Variants in E2F8 observed in about 807,000 individuals in gnomAD.
E2F8 encodes transcription factor E2F8.
In E2F8, 35 loss-of-function variants were observed where a neutral mutation model predicts 80.8. The observed-to-expected ratio is 0.43, with a 90% CI of 0.33 to 0.57. E2F8 has a LOEUF of 0.57. Ranked by LOEUF, E2F8 falls within the 20% of genes least tolerant of loss-of-function variation. The probability of loss-of-function intolerance (pLI) is 0.04; values close to 1 mark genes in which losing one functional copy is unlikely to be tolerated. For missense variants in E2F8, 975 were observed against 1,056.2 expected (o/e 0.92, Z 1.07); for synonymous variants, 386 against 395.0 (o/e 0.98, Z 0.27).
intron 10 of E2F8, among the ~76,000 whole-genome samples, chr11:19,226,894 G>A (rs750712822): frequency 2.4e-4 from 36 of 152,202 alleles, no homozygotes; most frequent in Non-Finnish European, 4.4e-4. Context: ...TATTAGAGAC[G>A]CACATGCCAT....
Position 19,229,223 on chromosome 11 carries a change from G to A in E2F8, c.1893+231C>T, listed in dbSNP as rs890341939. Among the ~76,000 whole-genome samples the A allele has an allele frequency of 5.3e-5, 8 of 152,128 alleles. No homozygotes were observed. Among genetic ancestry groups the A allele is most frequent in the Non-Finnish European group, 8.8e-5 (6 of 68,022 alleles). On this transcript the variant is annotated intron_variant, in intron 10 of 12. Coordinates refer to ENST00000250024, the MANE Select transcript of E2F8 (RefSeq NM_024680.4). The surrounding 1 kb of genome is among the most constrained non-coding windows in gnomAD (Gnocchi z 4.3). ...AATGGACTTAAGGACAACCACCCAT[G>A]GTACTTTAAAAAGACAGCAAATAAT...
chr11:19,232,208 A>T (rs1245503280), intron 7 of E2F8, 26 bp downstream of exon 7: 1 of 1,609,204 alleles, frequency 6.2e-7, no homozygotes, highest in Admixed American at 1.7e-5. Flanking sequence ...ATAATAAAGC[A>T]GAGGGTGAAA....
chr11:19,233,554 C>G (rs933817388), intron 6 of E2F8, among the ~76,000 whole-genome samples: 3 of 152,056 alleles, frequency 2.0e-5, no homozygotes, highest in Middle Eastern at 3.2e-3. Flanking sequence ...GTGGCGCGAT[C>G]TCGGCTCACT....
chr11:19,225,899 C>G, intron 10 of E2F8, 35 bp from the exon 11 acceptor site: 1 of 1,594,102 alleles, frequency 6.3e-7, no homozygotes, highest in Non-Finnish European at 8.5e-7. Context: ...ATTTTACACA[C>G]AAATACAGGA....
chr11:19,225,395 C>T lies in E2F8; in HGVS notation c.2247G>A (p.Gln749=). Residue 749 remains glutamine, a synonymous_variant, in exon 12 of 13, where the codon CAG becomes CAA. Transcript: ENST00000250024. ...TTCCAGACCCAGGGCTGGCAGACAA[C>T]TGCACATTGGGTGAGATGAGTCCCA... ...QHLGLISPNV[Q]LSASPGSGIV... 1 of 1,614,172 alleles carries T rather than the reference C, an allele frequency of 6.2e-7. No individual in the cohort carries two copies.
In E2F8 at chr11:19,237,854, G is replaced by C. The variant is rs149206686; in HGVS notation, c.294C>G (p.His98Gln). The C allele has an allele frequency of 1.4e-5, 22 of 1,611,374 alleles. No homozygotes were observed. Among genetic ancestry groups the C allele is most frequent in the African/African-American group, 8.0e-5 (6 of 74,722 alleles). The stretch of plus-strand genomic sequence containing the variant: ...TCCAACCAGTCCTCTGAAAACCTAC[G>C]TGTATACAGTCTTTGGCCTCAGGTA... The part of the protein sequence containing the change: ...SGLPEAKDCI[H>Q]EHLSGDEFEK... Residue 98 changes from histidine (H) to glutamine (Q), a missense_variant and splice_region_variant, in exon 3 of 13, where the codon CAC becomes CAG. His to Gln is a conservative substitution (Grantham distance 24). Transcript: ENST00000250024.
rs1171352775 is a variant in E2F8 at position 19,225,620 on chromosome 11, A to C, written c.2027-5T>G. On this transcript the variant is annotated splice_polypyrimidine_tract_variant and splice_region_variant and intron_variant, in intron 11 of 12. Coordinates refer to ENST00000250024, the MANE Select transcript of E2F8 (RefSeq NM_024680.4). ...ATGATGTCACTGGAATAACACCTGGAAGGAAAAGGGGGAAGATATCTTAAA... is the reference window on the plus strand; with the variant it reads ...ATGATGTCACTGGAATAACACCTGGCAGGAAAAGGGGGAAGATATCTTAAA... 1.2e-6 allele frequency: 2 copies of C among 1,612,410 alleles called. No homozygotes were observed. Among genetic ancestry groups the C allele is most frequent in the Middle Eastern group, 3.3e-4 (2 of 6,058 alleles).
intron 10 of E2F8, among the ~76,000 whole-genome samples, chr11:19,227,050 G>A (rs1252559473): frequency 6.6e-6 from 1 of 152,204 alleles, no homozygotes; most frequent in Non-Finnish European, 1.5e-5. Flanking sequence ...TGCATGAAAA[G>A]TCTGCTTTAG....
chr11:19,230,744 C>A lies in E2F8; in HGVS notation c.1157G>T (p.Arg386Leu). The change falls in exon 8 of 13, where the codon CGT (arginine) becomes CTT (leucine). Residue 386 changes from arginine (R) to leucine (L), a missense_variant. Arg to Leu is a moderately radical substitution (Grantham distance 102, BLOSUM62 -2). Coordinates refer to ENST00000250024, the MANE Select transcript of E2F8 (RefSeq NM_024680.4). ...GTGTCGAGTAAAGTTTGGTTTCCCA[C>A]GTGTGGAAAAGAGGTTTTTGGCACA... The part of the protein sequence containing the change: ...ENCAKNLFST[R>L]GKPNFTRHPS... 3 of 1,614,074 alleles carry A rather than the reference C, an allele frequency of 1.9e-6. No homozygotes were observed. Among genetic ancestry groups the A allele is most frequent in the East Asian group, 2.2e-5 (1 of 44,876 alleles).
upstream of E2F8, chr11:19,241,073 G>A (rs1235447281): frequency 6.6e-6 from 1 of 152,300 alleles, no homozygotes; most frequent in African/African-American, 2.4e-5. This position sits in a 1 kb window ranked among gnomAD's most constrained non-coding sequence, Gnocchi z 4.5. Context: ...CAGAGGGCCG[G>A]AAGCGGGCCT....
rs1851348075 is a variant in E2F8 at position 19,230,456 on chromosome 11, C to A, written c.1271-128G>T. The A allele has an allele frequency of 7.5e-6, 9 of 1,195,370 alleles. No individual in the cohort carries two copies. In the East Asian group the frequency reaches 2.0e-4, roughly 26 times the overall value. 74.0% of individuals were successfully genotyped at this position (1,195,370 alleles called of 1,614,324 possible). A position where few individuals can be genotyped will look rare whatever the true frequency, so the allele number is the denominator to read the frequency against. The stretch of plus-strand genomic sequence containing the variant: ...CCCTCAAAGTTGCATAGCGATTAAA[C>A]AATAAACCCCACAAATGACTTTTTA... On this transcript the variant is annotated intron_variant, in intron 8 of 12. Coordinates refer to ENST00000250024, the MANE Select transcript of E2F8 (RefSeq NM_024680.4).
At position 19,229,963 on chromosome 11, in the gene E2F8, G is replaced by A; in HGVS notation, c.1384C>T (p.Gln462Ter). The part of the protein sequence containing the change: ...SSESRQKVKV[Q>*]LARSGPCKPV... ...TTGCAGGGTCCAGATCTTGCCAGCT[G>A]TACTTTCACTTTCTGTCTGGATTCA... is the stretch of plus-strand genomic sequence containing the variant. Residue 462 changes from glutamine (Q) to a stop codon, truncating the protein, a stop_gained, in exon 10 of 13, where the codon CAG (glutamine) becomes TAG (stop). Transcript: ENST00000250024. LOFTEE classifies it high-confidence loss of function. This position sits in a 1 kb window ranked among gnomAD's most constrained non-coding sequence, Gnocchi z 4.3. 6.2e-7 allele frequency: 1 copy of A among 1,613,780 alleles called. No homozygotes were observed. The highest frequency in any genetic ancestry group is 8.5e-7 in the Non-Finnish European group (1 of 1,179,946).
Position 19,224,418 on chromosome 11 carries a change from T to G in E2F8, c.*240A>C. 1 of 382,564 alleles carries G rather than the reference T, an allele frequency of 2.6e-6. No homozygotes were observed. The highest frequency in any genetic ancestry group is 4.6e-6 in the Non-Finnish European group (1 of 215,980). 23.7% of individuals were successfully genotyped at this position (382,564 alleles called of 1,614,324 possible). ...GTTAATATATCTTAGAGTTCAACATTTTACTTTTATTTTGTAGGATTGAAA... is the reference window on the plus strand; with the variant it reads ...GTTAATATATCTTAGAGTTCAACATGTTACTTTTATTTTGTAGGATTGAAA... On this transcript the variant is annotated 3_prime_UTR_variant, in exon 13 of 13. Transcript: ENST00000250024.
intron 3 of E2F8, 57 bp downstream of exon 3, chr11:19,237,797 C>A: frequency 6.4e-7 from 1 of 1,552,678 alleles, no homozygotes; most frequent in Non-Finnish European, 8.7e-7. Context: ...ATAGCTACAA[C>A]CTCCCCCCTC....
chr11:19,231,892 G>A (rs916749197), intron 7 of E2F8, among the ~76,000 whole-genome samples: 6 of 152,118 alleles, frequency 3.9e-5, no homozygotes, highest in Non-Finnish European at 8.8e-5. Context: ...GTGGGGCGGT[G>A]AGTAGGAAGG....
At chr11:19,232,453 T>C in intron 6 of E2F8, 82 bp from the exon 7 acceptor site, 3 of 1,215,502 alleles carry the variant, frequency 2.5e-6, no homozygotes, top group Non-Finnish European at 3.5e-6. Context: ...TCATGTATAT[T>C]CTAAGAGCTG....
At chr11:19,227,941 G>A (rs919873198) in intron 10 of E2F8, among the ~76,000 whole-genome samples, 1 of 152,122 alleles carries the variant, frequency 6.6e-6, no homozygotes, top group Non-Finnish European at 1.5e-5. Context: ...TAAAAAATTA[G>A]CCGGGCATGG....
In E2F8 at chr11:19,230,692, A is replaced by G. The variant is rs902917996; in HGVS notation, c.1209T>C (p.Ser403=). 3.7e-6 allele frequency: 6 copies of G among 1,613,828 alleles called. No individual in the cohort carries two copies. Among genetic ancestry groups the G allele is most frequent in the African/African-American group, 1.3e-5 (1 of 74,838 alleles). ...TTATCTTTCTCCGATCACTTTCTATACTCTTTACCAATTTGATAAGAGATG... is the reference window on the plus strand; with the variant it reads ...TTATCTTTCTCCGATCACTTTCTATGCTCTTTACCAATTTGATAAGAGATG... The part of the protein sequence containing the change: ...RHPSLIKLVK[S]IESDRRKINS... The change falls in exon 8 of 13, where the codon AGT becomes AGC. Residue 403 remains serine, a synonymous_variant. Coordinates refer to ENST00000250024, the MANE Select transcript of E2F8 (RefSeq NM_024680.4).
At chr11:19,227,676 T>C (rs1349567497) in intron 10 of E2F8, among the ~76,000 whole-genome samples, 1 of 152,246 alleles carries the variant, frequency 6.6e-6, no homozygotes, top group Non-Finnish European at 1.5e-5. Flanking sequence ...TTGTGTTTAC[T>C]TGCATACTTA....
Sources: allele counts gnomAD v4.1 joint callset (sites outside exome capture counted in the v4.1 genomes callset), GRCh38; gene constraint gnomAD v4.1.1; non-coding constraint Gnocchi (gnomAD v3.1); transcripts MANE v1.5; gene names NCBI Gene and HGNC (gene_info 2026-07-23, HGNC 2026-07-21).